The following PRDM8 variants were observed in gnomAD, a reference collection of about 807,000 sequenced individuals.
PRDM8 encodes the protein PR domain zinc finger protein 8.
A neutral mutation model predicts 46.5 loss-of-function variants in PRDM8; 13 were observed. The observed-to-expected ratio is 0.28, with a 90% CI of 0.18 to 0.44. The LOEUF (loss-of-function observed/expected upper bound fraction) is 0.44, where lower values mean the gene tolerates loss of function less well. PRDM8 is among the 20% of genes least tolerant of loss of function. PRDM8 has a pLI of 1.00. For missense variants in PRDM8, 998 were observed against 955.0 expected (o/e 1.04, Z -0.59); for synonymous variants, 473 against 438.4 (o/e 1.08, Z -0.98).
At chr4:80,193,427 C>T (rs923223999), upstream of PRDM8, among the ~76,000 whole-genome samples, 1 of 152,172 alleles carries the variant, frequency 6.6e-6, no homozygotes, top group Non-Finnish European at 1.5e-5. Flanking sequence ...AAACAAACCC[C>T]TCTGGGTCTT....
At chr4:80,188,581 G>T (rs1185164289) in intron 1 of PRDM8, among the ~76,000 whole-genome samples, 4 of 152,174 alleles carry the variant, frequency 2.6e-5, no homozygotes, top group Admixed American at 1.3e-4. Flanking sequence ...CAGACCCCGG[G>T]TTCAGACCTG....
intron 1 of PRDM8, among the ~76,000 whole-genome samples, chr4:80,199,064 T>C (rs1264569040): frequency 2.1e-5 from 3 of 146,104 alleles, no homozygotes; most frequent in Non-Finnish European, 3.0e-5. Flanking sequence ...AAAATGTCCC[T>C]TTATGACACC....
At position 80,204,019 on chromosome 4, in the gene PRDM8, T is replaced by C. The variant is rs1293474378; in HGVS notation, c.*487T>C. On this transcript the variant is annotated 3_prime_UTR_variant, in exon 4 of 4. Coordinates refer to ENST00000415738, the MANE Select transcript of PRDM8 (RefSeq NM_001099403.2). Reference sequence around the variant, plus strand: ...AAAGTAAAGGAGGAGGGTGAGATGCTTTCTGCATTTCTTGATGACAGTTTG... The same window carrying C: ...AAAGTAAAGGAGGAGGGTGAGATGCCTTCTGCATTTCTTGATGACAGTTTG... 2 of 152,844 alleles carry C rather than the reference T, an allele frequency of 1.3e-5. No individual in the cohort carries two copies. The highest frequency in any genetic ancestry group is 4.8e-5 in the African/African-American group (2 of 41,450). 9.5% of individuals were successfully genotyped at this position (152,844 alleles called of 1,614,324 possible).
intron 1 of PRDM8, among the ~76,000 whole-genome samples, chr4:80,187,421 G>A (rs755780711): frequency 6.6e-6 from 1 of 152,148 alleles, no homozygotes; most frequent in Non-Finnish European, 1.5e-5. Context: ...GGTATTGAAG[G>A]AGAGGGGGAA....
chr4:80,204,039 AGTTT>A lies in PRDM8; in HGVS notation c.*510_*513del, dbSNP rs1443237915. On this transcript the variant is annotated 3_prime_UTR_variant, in exon 4 of 4. Coordinates refer to ENST00000415738, the MANE Select transcript of PRDM8 (RefSeq NM_001099403.2). ...GATGCTTTCTGCATTTCTTGATGAC[AGTTT>A]GTGTTCCTACAAAAATAAACAAAAT... The A allele has an allele frequency of 1.3e-5, 2 of 152,854 alleles. No homozygotes were observed. The highest frequency in any genetic ancestry group is 2.9e-5 in the Non-Finnish European group (2 of 68,176). 9.5% of individuals were successfully genotyped at this position (152,854 alleles called of 1,614,324 possible). A position where few individuals can be genotyped will look rare whatever the true frequency, so the allele number is the denominator to read the frequency against.
In PRDM8 at chr4:80,198,807, T is replaced by C. The variant is rs77022977; in HGVS notation, c.-3+1044T>C. Reference sequence around the variant, plus strand: ...ATGAACAGCTTTGCAGGAAAAGAATTAGATCTACTCTTTCCTGCTACTTTA... The same window carrying C: ...ATGAACAGCTTTGCAGGAAAAGAATCAGATCTACTCTTTCCTGCTACTTTA... On this transcript the variant is annotated intron_variant, in intron 1 of 3. Transcript: ENST00000415738. Among the ~76,000 whole-genome samples the C allele has an allele frequency of 8.1e-3, 1,233 of 152,148 alleles. 21 individuals carry two copies. Among genetic ancestry groups the C allele is most frequent in the African/African-American group, 0.028 (1,157 of 41,506 alleles).
intron 1 of PRDM8, among the ~76,000 whole-genome samples, chr4:80,199,641 G>A (rs71596003): frequency 0.27 from 41,146 of 151,154 alleles, 6,164 homozygotes; most frequent in East Asian, 0.62. Context: ...CCAAGGGTTA[G>A]AAGTTTCTTT....
At chr4:80,193,088 G>C (rs1469710750), upstream of PRDM8, among the ~76,000 whole-genome samples, 1 of 152,142 alleles carries the variant, frequency 6.6e-6, no homozygotes, top group Non-Finnish European at 1.5e-5. Context: ...TTAAAAGCAG[G>C]ATCATTTACG....
At chr4:80,194,349 A>G (rs1737787401), upstream of PRDM8, 1 of 455,372 alleles carries the variant, frequency 2.2e-6, no homozygotes, top group African/African-American at 2.1e-5. Flanking sequence ...CATATGAATT[A>G]CATAAAACTA....
chr4:80,197,586 T>C lies in PRDM8; in HGVS notation c.-180T>C. Reference sequence around the variant, plus strand: ...CTCCCTCCCTCCACCCCCCCAATCTTTTTCTCCCCATCTCTCCATCTCTCT... The same window carrying C: ...CTCCCTCCCTCCACCCCCCCAATCTCTTTCTCCCCATCTCTCCATCTCTCT... On this transcript the variant is annotated 5_prime_UTR_variant, in exon 1 of 4. Transcript: ENST00000415738. 1 of 919,330 alleles carries C rather than the reference T, an allele frequency of 1.1e-6. No homozygotes were observed. Among genetic ancestry groups the C allele is most frequent in the Non-Finnish European group, 1.3e-6 (1 of 770,942 alleles). 56.9% of individuals were successfully genotyped at this position (919,330 alleles called of 1,614,324 possible). A position where few individuals can be genotyped will look rare whatever the true frequency, so the allele number is the denominator to read the frequency against.
At chr4:80,187,537 T>G (rs1310892147) in intron 1 of PRDM8, among the ~76,000 whole-genome samples, 1 of 152,178 alleles carries the variant, frequency 6.6e-6, no homozygotes, top group Non-Finnish European at 1.5e-5. Context: ...GGGCTCCAAA[T>G]TGAATTTCCA....
chr4:80,201,552 CT>C, intron 3 of PRDM8, 31 bp downstream of exon 3: 1 of 1,597,712 alleles, frequency 6.3e-7, no homozygotes, highest in Non-Finnish European at 8.6e-7. Context: ...CGTGTGGGCC[CT>C]TAACTAGCGG....
chr4:80,194,309 G>A (rs1737784030), upstream of PRDM8: 1 of 776,122 alleles, frequency 1.3e-6, no homozygotes, highest in Non-Finnish European at 1.6e-6. Flanking sequence ...AGGGAAGAGA[G>A]CTCCAAATAT....
chr4:80,186,441 G>GAGAGAGAGAGAA, intron 1 of PRDM8, among the ~76,000 whole-genome samples: 1 of 151,766 alleles, frequency 6.6e-6, no homozygotes, highest in Admixed American at 6.6e-5. Flanking sequence ...GAGAGAGAGA[G>GAGAGAGAGAGAA]AGAGAGAGAG....
In PRDM8 at chr4:80,203,627, C is replaced by G; in HGVS notation, c.*95C>G. The G allele has an allele frequency of 6.8e-7, 1 of 1,469,370 alleles. No homozygotes were observed. Among genetic ancestry groups the G allele is most frequent in the Non-Finnish European group, 9.0e-7 (1 of 1,109,706 alleles). The allele number at this position is 1,469,370 out of a possible 1,614,324, so 91.0% of individuals were successfully genotyped here. Reference sequence around the variant, plus strand: ...AGAACATCCACCGCTTCCTTGCACCCCGAAACCCTGCACAAAGACACATAC... The same window carrying G: ...AGAACATCCACCGCTTCCTTGCACCGCGAAACCCTGCACAAAGACACATAC... On this transcript the variant is annotated 3_prime_UTR_variant, in exon 4 of 4. Transcript: ENST00000415738.
chr4:80,187,681 G>A (rs962697290), intron 1 of PRDM8, among the ~76,000 whole-genome samples: 1 of 152,090 alleles, frequency 6.6e-6, no homozygotes, highest in Non-Finnish European at 1.5e-5. Flanking sequence ...TTTGCTCCGC[G>A]TCTGTTGTTG....
At chr4:80,194,220 C>T, upstream of PRDM8, 1 of 982,306 alleles carries the variant, frequency 1.0e-6, no homozygotes, top group South Asian at 4.7e-5. Context: ...CTCCAAAGAG[C>T]CTTGCTAAAG....
intron 1 of PRDM8, chr4:80,191,456 G>T (rs868778574): frequency 1.0e-5 from 1 of 98,284 alleles, no homozygotes; most frequent in Admixed American, 9.5e-5. Context: ...ATAATACCAC[G>T]GTTACTATAT....
chr4:80,200,106 G>A lies in PRDM8; in HGVS notation c.26G>A (p.Gly9Asp), dbSNP rs756625230. Residue 9 changes from glycine to aspartate, a missense_variant, in exon 2 of 4, where the codon GGC becomes GAC. Coordinates refer to ENST00000415738, the MANE Select transcript of PRDM8 (RefSeq NM_001099403.2). The part of the protein sequence containing the change: MEDTGIQR[G>D]IWDGDAKAVQ... ...ATGGAGGATACTGGCATCCAGCGAG[G>A]CATCTGGGATGGAGATGCCAAGGCT... The A allele has an allele frequency of 4.6e-5, 74 of 1,613,812 alleles. No individual in the cohort carries two copies. The Admixed American group carries it at 1.2e-3, about 26-fold the overall frequency.
Sources: allele counts gnomAD v4.1 joint callset (sites outside exome capture counted in the v4.1 genomes callset), GRCh38; gene constraint gnomAD v4.1.1; transcripts MANE v1.5; gene names NCBI Gene and HGNC (gene_info 2026-07-23, HGNC 2026-07-21).